PLEKHM3: variants seen among roughly 807,000 people sequenced by gnomAD.
The protein encoded by PLEKHM3 is pleckstrin homology domain containing M3.
A neutral mutation model predicts 81.8 loss-of-function variants in PLEKHM3; 45 were observed. The ratio of observed to expected loss-of-function variants is 0.55; its 90% CI spans 0.43 to 0.71. The LOEUF (loss-of-function observed/expected upper bound fraction) is 0.71, where lower values mean the gene tolerates loss of function less well. Among genes scored for constraint, PLEKHM3 ranks in the 30% least tolerant of loss-of-function variants. The probability of loss-of-function intolerance (pLI) is 0.00; values close to 1 mark genes in which losing one functional copy is unlikely to be tolerated. For synonymous variants in PLEKHM3, 352 were observed against 356.4 expected (o/e 0.99, Z 0.14); for missense variants, 788 against 924.3 (o/e 0.85, Z 1.91).
chr2:207,825,006 C>T lies in PLEKHM3; in HGVS notation c.*3313G>A, dbSNP rs575828299. On this transcript the variant is annotated 3_prime_UTR_variant, in exon 8 of 8. Coordinates refer to ENST00000427836, the MANE Select transcript of PLEKHM3 (RefSeq NM_001080475.3). Reference sequence around the variant, plus strand: ...CTAGGTGACCCTTTAGCACTACAGACGTAAAAATGACTCTAATGCACTCCC... The same window carrying T: ...CTAGGTGACCCTTTAGCACTACAGATGTAAAAATGACTCTAATGCACTCCC... 1.2e-4 allele frequency: 18 copies of T among 152,172 alleles called. No homozygotes were observed. Among genetic ancestry groups the T allele is most frequent in the African/African-American group, 2.2e-4 (9 of 41,522 alleles). 9.4% of individuals were successfully genotyped at this position (152,172 alleles called of 1,614,324 possible). A position where few individuals can be genotyped will look rare whatever the true frequency, so the allele number is the denominator to read the frequency against.
chr2:207,849,510 C>T (rs1308801647), intron 7 of PLEKHM3, among the ~76,000 whole-genome samples: 1 of 152,170 alleles, frequency 6.6e-6, no homozygotes, highest in African/African-American at 2.4e-5. Context: ...AATGTCCAGC[C>T]TACACCTCTG....
chr2:207,884,119 C>T (rs944121867), intron 6 of PLEKHM3, among the ~76,000 whole-genome samples: 7 of 152,018 alleles, frequency 4.6e-5, no homozygotes, highest in South Asian at 2.1e-4. Context: ...GGCAACATAG[C>T]GAGACCCCCG....
At chr2:207,913,932 AACACAC>A (rs56352112) in intron 5 of PLEKHM3, among the ~76,000 whole-genome samples, 10 of 151,208 alleles carry the variant, frequency 6.6e-5, no homozygotes, top group Admixed American at 5.3e-4. Flanking sequence ...CGTGCATGAA[AACACAC>A]ACACACACAC....
chr2:208,017,761 A>G (rs1692971982), intron 1 of PLEKHM3, among the ~76,000 whole-genome samples: 1 of 152,118 alleles, frequency 6.6e-6, no homozygotes, highest in Non-Finnish European at 1.5e-5. Flanking sequence ...GGAAAAGGTC[A>G]CCAGTGATTT....
At chr2:207,955,937 G>A (rs1222940581) in intron 3 of PLEKHM3, among the ~76,000 whole-genome samples, 1 of 152,196 alleles carries the variant, frequency 6.6e-6, no homozygotes, top group Non-Finnish European at 1.5e-5. Flanking sequence ...ATGAGGAAAG[G>A]AGGAAGCAAT....
At chr2:208,014,378 C>T (rs1292255874) in intron 1 of PLEKHM3, among the ~76,000 whole-genome samples, 3 of 152,250 alleles carry the variant, frequency 2.0e-5, no homozygotes, top group African/African-American at 7.2e-5. Context: ...TGTGCAGTGG[C>T]TCATGCCTGT....
intron 1 of PLEKHM3, among the ~76,000 whole-genome samples, chr2:208,016,092 G>A (rs998876005): frequency 6.6e-6 from 1 of 152,088 alleles, no homozygotes; most frequent in Non-Finnish European, 1.5e-5. Flanking sequence ...TACTCGGGAG[G>A]CTGAGGCAGG....
At chr2:207,846,523 C>T (rs1465453653) in intron 7 of PLEKHM3, among the ~76,000 whole-genome samples, 1 of 151,674 alleles carries the variant, frequency 6.6e-6, no homozygotes, top group African/African-American at 2.4e-5. Flanking sequence ...TTTTTTCCTC[C>T]AGCCTGGGCA....
intron 1 of PLEKHM3, among the ~76,000 whole-genome samples, chr2:208,013,366 A>C (rs1316875774): frequency 6.6e-6 from 1 of 151,600 alleles, no homozygotes; most frequent in Non-Finnish European, 1.5e-5. Context: ...AAATATAAAA[A>C]TTAGCCAGGC....
chr2:207,934,217 G>C (rs1403103757), intron 4 of PLEKHM3, among the ~76,000 whole-genome samples: 1 of 152,146 alleles, frequency 6.6e-6, no homozygotes, highest in Non-Finnish European at 1.5e-5. Flanking sequence ...CACTGACTAT[G>C]TTCCAACTAA....
chr2:207,865,391 G>A lies in PLEKHM3; in HGVS notation c.1951-4129C>T, dbSNP rs577390201. Among the ~76,000 whole-genome samples the A allele has an allele frequency of 3.9e-5, 6 of 152,004 alleles. No individual in the cohort carries two copies. In the East Asian group the frequency reaches 1.2e-3, roughly 29 times the overall value. On this transcript the variant is annotated intron_variant, in intron 6 of 7. Coordinates refer to ENST00000427836, the MANE Select transcript of PLEKHM3 (RefSeq NM_001080475.3). ...GAAACATCACCACAATCGATTTTAG[G>A]GCATTCCACTAACCCTCTGAAAAAA...
chr2:207,938,936 T>A (rs1204973489), intron 4 of PLEKHM3, among the ~76,000 whole-genome samples: 1 of 152,184 alleles, frequency 6.6e-6, no homozygotes, highest in East Asian at 1.9e-4. Flanking sequence ...GACTCGGATC[T>A]CCTCCTCCAT....
chr2:207,941,445 C>T (rs545487853), intron 4 of PLEKHM3, among the ~76,000 whole-genome samples: 2 of 152,130 alleles, frequency 1.3e-5, no homozygotes, highest in Non-Finnish European at 2.9e-5. Flanking sequence ...TGAAACTAGA[C>T]CCCCTCAGGA....
rs150486211 is a variant in PLEKHM3, at chr2:207,913,186, C to T, written c.1887-4609G>A. ...AGGGTAGCTCAGATGTTGGGGCAGA[C>T]GGTTGGAACTGTCTTTGGAATGCTC... On this transcript the variant is annotated intron_variant, in intron 5 of 7. Transcript: ENST00000427836. Among the ~76,000 whole-genome samples the T allele has an allele frequency of 8.3e-3, 1,260 of 151,930 alleles. 14 individuals are homozygous for T. Among genetic ancestry groups the T allele is most frequent in the South Asian group, 0.031 (147 of 4,790 alleles).
chr2:207,940,142 C>T (rs1017586014), intron 4 of PLEKHM3, among the ~76,000 whole-genome samples: 3 of 152,136 alleles, frequency 2.0e-5, no homozygotes, highest in African/African-American at 7.2e-5. Context: ...CAGAACTGTG[C>T]TAAAACACAT....
chr2:207,892,787 C>A (rs576728528), intron 6 of PLEKHM3, among the ~76,000 whole-genome samples: 1 of 152,160 alleles, frequency 6.6e-6, no homozygotes, highest in Non-Finnish European at 1.5e-5. Flanking sequence ...ACAAAACAAA[C>A]CAGAAAACAC....
At position 208,003,459 on chromosome 2, in the gene PLEKHM3, A is replaced by C. The variant is rs1378815350; in HGVS notation, c.-318-1502T>G. ...CCACTACATTTATATCAACAGCACC[A>C]ATCTACTTTGCTTAACCTATGTAAA... On this transcript the variant is annotated intron_variant, in intron 1 of 7. Transcript: ENST00000427836. 2.0e-5 allele frequency among the ~76,000 whole-genome samples: 3 copies of C among 152,232 alleles called. 1 individual carries two copies. The highest frequency in any genetic ancestry group is 2.0e-4 in the Admixed American group (3 of 15,282).
At chr2:207,849,993 G>A (rs2092404022) in intron 7 of PLEKHM3, among the ~76,000 whole-genome samples, 1 of 152,158 alleles carries the variant, frequency 6.6e-6, no homozygotes, top group Non-Finnish European at 1.5e-5. Context: ...ACTGGCATCT[G>A]CTCAGCTTTT....
At chr2:207,901,208 T>C (rs1688415195) in intron 6 of PLEKHM3, 2 of 701,692 alleles carry the variant, frequency 2.9e-6, no homozygotes, top group Admixed American at 2.0e-5. Flanking sequence ...GCAGTGACTT[T>C]GTCCTTAGTG....
Sources: allele counts gnomAD v4.1 joint callset (sites outside exome capture counted in the v4.1 genomes callset), GRCh38; gene constraint gnomAD v4.1.1; transcripts MANE v1.5; gene names NCBI Gene and HGNC (gene_info 2026-07-23, HGNC 2026-07-21).